SDK1: variants seen among roughly 807,000 people sequenced by gnomAD.
The protein encoded by SDK1 is protein sidekick-1.
Under a neutral mutation model 245.5 loss-of-function variants are expected in SDK1, and 157 were observed. The ratio of observed to expected loss-of-function variants is 0.64; its 90% CI spans 0.56 to 0.73. SDK1 has a LOEUF of 0.73. SDK1 is among the 30% of genes least tolerant of loss of function. The pLI is 0.00. For synonymous variants in SDK1, 1,647 were observed against 1,278.5 expected (o/e 1.29, Z -6.15); for missense variants, 3,583 against 3,002.3 (o/e 1.19, Z -4.52).
intron 5 of SDK1, among the ~76,000 whole-genome samples, chr7:3,909,016 G>A (rs573747470): frequency 2.0e-5 from 3 of 152,280 alleles, no homozygotes; most frequent in Non-Finnish European, 4.4e-5. Flanking sequence ...AAGTGAGCCA[G>A]GGTGGGAGGA....
intron 14 of SDK1, among the ~76,000 whole-genome samples, chr7:4,009,293 G>A (rs536894863): frequency 2.0e-5 from 3 of 152,328 alleles, no homozygotes; most frequent in South Asian, 2.1e-4. Context: ...GACTTGGCAC[G>A]AAGGGGCCCT....
chr7:4,006,277 G>A (rs1785481594), intron 14 of SDK1, among the ~76,000 whole-genome samples: 3 of 152,228 alleles, frequency 2.0e-5, no homozygotes, highest in Admixed American at 1.3e-4. Context: ...GAAAACGAAA[G>A]TGTAGTGATG....
intron 4 of SDK1, among the ~76,000 whole-genome samples, chr7:3,702,503 C>G (rs1374107172): frequency 1.3e-5 from 2 of 152,148 alleles, no homozygotes. Context: ...CACATTAGGG[C>G]CGGATAGCAT....
At chr7:3,303,043 T>A (rs1370005830) in intron 1 of SDK1, among the ~76,000 whole-genome samples, 1 of 151,444 alleles carries the variant, frequency 6.6e-6, no homozygotes, top group Admixed American at 6.6e-5. Flanking sequence ...TATGTAACGT[T>A]ATCTAAATTG....
chr7:4,198,391 C>T (rs1405997552), intron 35 of SDK1, among the ~76,000 whole-genome samples: 2 of 152,332 alleles, frequency 1.3e-5, no homozygotes, highest in East Asian at 3.9e-4. Context: ...GAATTCTGCC[C>T]CAGGGCTCTT....
chr7:3,489,977 G>T (rs924469086), intron 1 of SDK1, among the ~76,000 whole-genome samples: 25 of 151,434 alleles, frequency 1.7e-4, no homozygotes, highest in Admixed American at 1.1e-3. Context: ...GTCAAGATGG[G>T]TTTTTTTTTC....
At chr7:4,191,506 C>T (rs879728407) in intron 35 of SDK1, among the ~76,000 whole-genome samples, 105 of 152,244 alleles carry the variant, frequency 6.9e-4, no homozygotes, top group African/African-American at 2.2e-3. Flanking sequence ...CCCTCCAGGT[C>T]GCCACGCTGG....
intron 1 of SDK1, among the ~76,000 whole-genome samples, chr7:3,394,121 T>C (rs1781831477): frequency 1.3e-5 from 2 of 151,724 alleles, no homozygotes; most frequent in African/African-American, 4.8e-5. Flanking sequence ...CCAGAAGAAC[T>C]CTCTGGATTA....
chr7:3,770,632 G>A (rs965924738), intron 4 of SDK1, among the ~76,000 whole-genome samples: 2 of 152,148 alleles, frequency 1.3e-5, no homozygotes, highest in African/African-American at 4.8e-5. Flanking sequence ...ATTCCCCCTT[G>A]CTGTGGCTGC....
intron 4 of SDK1, among the ~76,000 whole-genome samples, chr7:3,670,034 G>A (rs541716206): frequency 6.6e-6 from 1 of 152,130 alleles, no homozygotes; most frequent in Non-Finnish European, 1.5e-5. Flanking sequence ...TGTACCACAT[G>A]TTATCCCACA....
chr7:4,206,173 G>T lies in SDK1; in HGVS notation c.5214+179G>T, dbSNP rs6462650. On this transcript the variant is annotated intron_variant, in intron 36 of 44. Coordinates refer to ENST00000404826, the MANE Select transcript of SDK1 (RefSeq NM_152744.4). ...TAACTGTGGTCACAGCTGCTTGTGG[G>T]TGGGAGGCAGCACAGGGGCCAGGCT... Among the ~76,000 whole-genome samples, 1,513 of 152,352 alleles carry T rather than the reference G, an allele frequency of 9.9e-3. 28 individuals carry two copies. The highest frequency in any genetic ancestry group is 0.035 in the African/African-American group (1,450 of 41,580).
intron 20 of SDK1, among the ~76,000 whole-genome samples, chr7:4,069,311 T>A (rs76753870): frequency 1.3e-5 from 2 of 152,184 alleles, no homozygotes. Flanking sequence ...CTGTTTTTTT[T>A]CTAAACATTA....
intron 4 of SDK1, among the ~76,000 whole-genome samples, chr7:3,717,451 A>C (rs1785236713): frequency 6.6e-6 from 1 of 152,236 alleles, no homozygotes; most frequent in South Asian, 2.1e-4. Flanking sequence ...TGCTGAGAGG[A>C]AAATTTATAG....
intron 5 of SDK1, among the ~76,000 whole-genome samples, chr7:3,841,191 C>T (rs908835276): frequency 1.3e-5 from 2 of 152,218 alleles, no homozygotes; most frequent in African/African-American, 4.8e-5. Flanking sequence ...GGGCACTGCA[C>T]CTACCCATGT....
At chr7:3,344,757 T>C (rs1046580899) in intron 1 of SDK1, among the ~76,000 whole-genome samples, 6 of 152,212 alleles carry the variant, frequency 3.9e-5, no homozygotes, top group African/African-American at 1.4e-4. Context: ...TACCTTTTCA[T>C]ATATACTGCA....
intron 1 of SDK1, among the ~76,000 whole-genome samples, chr7:3,310,208 T>C (rs1042778700): frequency 2.6e-5 from 4 of 152,204 alleles, no homozygotes; most frequent in African/African-American, 9.6e-5. Flanking sequence ...TTCCTATTGC[T>C]TCAGACCCTC....
At chr7:3,635,839 G>A (rs532138660) in intron 2 of SDK1, among the ~76,000 whole-genome samples, 1 of 152,228 alleles carries the variant, frequency 6.6e-6, no homozygotes, top group South Asian at 2.1e-4. Context: ...CTAAGTGGCT[G>A]GGATTACAGG....
intron 1 of SDK1, among the ~76,000 whole-genome samples, chr7:3,318,275 A>G (rs1418606271): frequency 6.6e-6 from 1 of 152,178 alleles, no homozygotes; most frequent in Non-Finnish European, 1.5e-5. Flanking sequence ...TGGCATTATA[A>G]CATAGTGTCA....
At chr7:3,748,091 C>A (rs974851039) in intron 4 of SDK1, among the ~76,000 whole-genome samples, 3 of 151,810 alleles carry the variant, frequency 2.0e-5, no homozygotes, top group African/African-American at 7.3e-5. Flanking sequence ...TACTATATAA[C>A]CATTAAATGA....
Sources: gnomAD v4.1 joint callset for allele counts (sites outside exome capture counted in the v4.1 genomes callset) on GRCh38, gnomAD v4.1.1 for gene constraint, MANE v1.5 for transcripts, NCBI Gene and HGNC (gene_info 2026-07-23, HGNC 2026-07-21) for gene names.